Variants in DYSF observed in about 807,000 individuals in gnomAD.
The protein encoded by DYSF is dystrophy-associated fer-1-like 1.
In DYSF, 212 loss-of-function variants were observed where a neutral mutation model predicts 274.9. The ratio of observed to expected loss-of-function variants is 0.77; its 90% CI spans 0.69 to 0.86. DYSF has a LOEUF of 0.86. DYSF is among the 40% of genes least tolerant of loss of function. The pLI, the probability that DYSF is intolerant of heterozygous loss-of-function variation, is 0.00. For missense variants in DYSF, 2,666 were observed against 2,783.2 expected, an observed-to-expected ratio of 0.96 and a Z score of 0.95; for synonymous variants, 1,091 against 1,078.7, an observed-to-expected ratio of 1.01 and a Z score of -0.22.
rs893079344 is a variant in DYSF at position 71,553,048 on chromosome 2, C to G, written c.1844C>G (p.Ala615Gly). ...LRRRKYSLFA[A>G]FYSATMLQDV... ...AGGCGCAAGTACTCCCTGTTTGCGGCCTTCTACTCAGCCACCATGCTGCAG... is the reference window on the plus strand; with the variant it reads ...AGGCGCAAGTACTCCCTGTTTGCGGGCTTCTACTCAGCCACCATGCTGCAG... The change falls in exon 20 of 56, where the codon GCC becomes GGC. Residue 615 changes from alanine to glycine, a missense_variant. By Grantham distance (60) the Ala-to-Gly change is moderately conservative. Transcript: ENST00000410020. 1 of 1,614,180 alleles carries G rather than the reference C, an allele frequency of 6.2e-7. No individual in the cohort carries two copies. Among genetic ancestry groups the G allele is most frequent in the Non-Finnish European group, 8.5e-7 (1 of 1,180,038 alleles).
chr2:71,645,027 G>A (rs2094545964), intron 42 of DYSF, among the ~76,000 whole-genome samples: 2 of 152,128 alleles, frequency 1.3e-5, no homozygotes, highest in Admixed American at 1.3e-4. Context: ...CAGGTTGTGG[G>A]GCTCCAACCC....
At chr2:71,586,842 A>G (rs1044563875) in intron 30 of DYSF, among the ~76,000 whole-genome samples, 1 of 152,020 alleles carries the variant, frequency 6.6e-6, no homozygotes, top group Admixed American at 6.5e-5. Context: ...TGCTCACCCT[A>G]GCCCCCTACC....
chr2:71,454,780 T>C (rs1461141428), intron 1 of DYSF, among the ~76,000 whole-genome samples: 1 of 152,096 alleles, frequency 6.6e-6, no homozygotes, highest in East Asian at 1.9e-4. Flanking sequence ...CCTTATCAGA[T>C]TGGGACCTCC....
In DYSF at chr2:71,533,335, C is replaced by G. The variant is rs1402024415; in HGVS notation, c.1381-1686C>G. 2.0e-5 allele frequency among the ~76,000 whole-genome samples: 3 copies of G among 152,312 alleles called. No homozygotes were observed. In the East Asian group the frequency reaches 5.8e-4, roughly 29 times the overall value. ...TGCCCAGCCGACTATAGATTTTTGT[C>G]TTTTACCTTTTAGCACAAATGGCTG... On this transcript the variant is annotated intron_variant, in intron 14 of 55. Transcript: ENST00000410020.
intron 30 of DYSF, chr2:71,588,751 G>A (rs901565871): frequency 5.2e-5 from 8 of 152,894 alleles, no homozygotes; most frequent in African/African-American, 1.9e-4. Context: ...AGGGAGAGGA[G>A]AGAGGCACAT....
chr2:71,611,624 G>A lies in DYSF; in HGVS notation c.4219G>A (p.Val1407Met). ...TGACATCTGCACCCTCTTCATGGAA[G>A]TGGTGAGCCCCACCTCCCTACTGTC... ...NFDICTLFMEVMLPREELYCP... is the reference protein window; with the variant it reads ...NFDICTLFMEMMLPREELYCP... The change falls in exon 38 of 56, where the codon GTG (valine) becomes ATG (methionine). Residue 1407 changes from valine (V) to methionine (M), a missense_variant and splice_region_variant. This residue lies in a region of DYSF where 1,460 missense variants were observed against 1,502.1 expected (regional missense o/e 0.97). Coordinates refer to ENST00000410020, the MANE Select transcript of DYSF (RefSeq NM_001130987.2). 6.2e-7 allele frequency: 1 copy of A among 1,613,520 alleles called. No homozygotes were observed. The highest frequency in any genetic ancestry group is 8.5e-7 in the Non-Finnish European group (1 of 1,179,938).
chr2:71,459,839 G>C (rs2081212742), intron 1 of DYSF, among the ~76,000 whole-genome samples: 1 of 152,040 alleles, frequency 6.6e-6, no homozygotes, highest in Non-Finnish European at 1.5e-5. Flanking sequence ...ACTACAGGAT[G>C]GAGTGAGTGG....
chr2:71,656,889 G>C (rs1418773602), intron 43 of DYSF, among the ~76,000 whole-genome samples: 2 of 152,190 alleles, frequency 1.3e-5, no homozygotes, highest in African/African-American at 4.8e-5. Context: ...TGAGATTTGA[G>C]TGGGAATGCA....
chr2:71,473,698 C>T (rs1161618984), intron 1 of DYSF, among the ~76,000 whole-genome samples: 1 of 152,154 alleles, frequency 6.6e-6, no homozygotes, highest in African/African-American at 2.4e-5. Context: ...TTCCATTTCC[C>T]ACCTGGACTT....
intron 3 of DYSF, among the ~76,000 whole-genome samples, chr2:71,489,117 C>T (rs2083596317): frequency 6.6e-6 from 1 of 152,184 alleles, no homozygotes; most frequent in African/African-American, 2.4e-5. Flanking sequence ...TTCTTCCATT[C>T]TTAGGGAGTA....
intron 30 of DYSF, among the ~76,000 whole-genome samples, chr2:71,577,584 A>G (rs2092751628): frequency 1.3e-5 from 2 of 150,890 alleles, no homozygotes; most frequent in South Asian, 4.2e-4. Context: ...ACACCAACAC[A>G]CTCATACACA....
intron 1 of DYSF, among the ~76,000 whole-genome samples, chr2:71,480,447 A>G (rs2082790982): frequency 6.6e-6 from 1 of 151,992 alleles, no homozygotes; most frequent in Non-Finnish European, 1.5e-5. Context: ...CCAGCTACTC[A>G]AGAGCCTGAG....
At chr2:71,577,703 C>T (rs1236248110) in intron 30 of DYSF, among the ~76,000 whole-genome samples, 1 of 152,102 alleles carries the variant, frequency 6.6e-6, no homozygotes, top group Non-Finnish European at 1.5e-5. Context: ...CACTCCCCCT[C>T]CACAGTCACG....
At chr2:71,581,796 C>A (rs1487908877) in intron 30 of DYSF, among the ~76,000 whole-genome samples, 5 of 152,156 alleles carry the variant, frequency 3.3e-5, no homozygotes, top group African/African-American at 1.2e-4. Context: ...TCTTATGGAG[C>A]AGGGGTCAGC....
chr2:71,505,595 G>C (rs75071764), intron 4 of DYSF, among the ~76,000 whole-genome samples: 1 of 152,314 alleles, frequency 6.6e-6, no homozygotes, highest in Admixed American at 6.5e-5. Context: ...GATATAGCAC[G>C]CTGGGCTGTG....
intron 29 of DYSF, among the ~76,000 whole-genome samples, chr2:71,571,912 A>C (rs1446305942): frequency 6.8e-6 from 1 of 146,832 alleles, no homozygotes; most frequent in Non-Finnish European, 1.5e-5. Flanking sequence ...CACACAGATC[A>C]CACCCAGCAC....
At chr2:71,472,669 G>T (rs150821827) in intron 1 of DYSF, among the ~76,000 whole-genome samples, 193 of 152,324 alleles carry the variant, frequency 1.3e-3, no homozygotes, top group African/African-American at 4.5e-3. Context: ...GCCTCCCAAA[G>T]TGCTGGGATT....
At chr2:71,578,892 G>A (rs1454346668) in intron 30 of DYSF, among the ~76,000 whole-genome samples, 1 of 152,210 alleles carries the variant, frequency 6.6e-6, no homozygotes, top group Non-Finnish European at 1.5e-5. Context: ...TCCACGGAGC[G>A]GGAGGCCCTG....
At chr2:71,685,404 G>A (rs1248200300) in intron 55 of DYSF, among the ~76,000 whole-genome samples, 1 of 152,222 alleles carries the variant, frequency 6.6e-6, no homozygotes, top group Non-Finnish European at 1.5e-5. Context: ...GACTGGCTTT[G>A]CTCACAGGTC....
Sources: gnomAD v4.1 joint callset for allele counts (sites outside exome capture counted in the v4.1 genomes callset) on GRCh38, gnomAD v4.1.1 for gene constraint, gnomAD v4.1.1 regional missense constraint, MANE v1.5 for transcripts, NCBI Gene and HGNC (gene_info 2026-07-23, HGNC 2026-07-21) for gene names.